The following KMT2C variants were observed in gnomAD, a reference collection of about 807,000 sequenced individuals.
KMT2C encodes lysine methyltransferase 2C.
A neutral mutation model predicts 507.9 loss-of-function variants in KMT2C; 88 were observed. That is an observed-to-expected ratio of 0.17 (90% CI 0.15 to 0.21). The LOEUF (loss-of-function observed/expected upper bound fraction) is 0.21, where lower values mean the gene tolerates loss of function less well. Ranked by LOEUF, KMT2C falls within the 10% of genes least tolerant of loss-of-function variation. The probability of loss-of-function intolerance (pLI) is 1.00; values close to 1 mark genes in which losing one functional copy is unlikely to be tolerated. For missense variants in KMT2C, 4,954 were observed against 5,957.8 expected, an observed-to-expected ratio of 0.83 and a Z score of 5.55; for synonymous variants, 2,049 against 2,080.8, an observed-to-expected ratio of 0.98 and a Z score of 0.42.
intron 1 of KMT2C, among the ~76,000 whole-genome samples, chr7:152,430,193 A>C (rs1225906190): frequency 6.6e-6 from 1 of 152,036 alleles, no homozygotes; most frequent in African/African-American, 2.4e-5. Context: ...AGAAAAAAAA[A>C]AAAAAACAGA....
chr7:152,269,667 C>A (rs550668944), intron 7 of KMT2C, among the ~76,000 whole-genome samples: 33 of 152,168 alleles, frequency 2.2e-4, no homozygotes, highest in Admixed American at 2.2e-3. Context: ...CTCTTGACTA[C>A]TAATCAAATT....
chr7:152,273,230 A>AT (rs780159646), intron 7 of KMT2C, among the ~76,000 whole-genome samples: 1 of 152,170 alleles, frequency 6.6e-6, no homozygotes, highest in Non-Finnish European at 1.5e-5. Context: ...ACTAGCAGAG[A>AT]TTTCTATTAT....
chr7:152,224,761 A>G (rs187374780), intron 18 of KMT2C, 145 bp from the exon 19 acceptor site: 170 of 617,114 alleles, frequency 2.8e-4, no homozygotes, highest in African/African-American at 2.7e-3. Context: ...CGGAGGCCCA[A>G]TACTGGGTTG....
intron 1 of KMT2C, among the ~76,000 whole-genome samples, chr7:152,415,509 G>C (rs62495299): frequency 3.3e-5 from 5 of 151,946 alleles, no homozygotes; most frequent in African/African-American, 1.2e-4. Flanking sequence ...TTAATGATAC[G>C]AAACAGTTAG....
intron 1 of KMT2C, among the ~76,000 whole-genome samples, chr7:152,426,085 A>G (rs2097814577): frequency 6.6e-6 from 1 of 152,104 alleles, no homozygotes; most frequent in Admixed American, 6.6e-5. Context: ...TATTGCTCAT[A>G]ATGAAAAACA....
intron 1 of KMT2C, among the ~76,000 whole-genome samples, chr7:152,394,005 T>C (rs1309456750): frequency 2.0e-5 from 3 of 152,246 alleles, no homozygotes; most frequent in Non-Finnish European, 2.9e-5. Flanking sequence ...TACTGGTCAT[T>C]GAACCTGGTG....
At chr7:152,223,286 C>T (rs543832627) in intron 20 of KMT2C, among the ~76,000 whole-genome samples, 15 of 151,570 alleles carry the variant, frequency 9.9e-5, no homozygotes, top group African/African-American at 2.7e-4. Flanking sequence ...CACATAATTA[C>T]GTAGGGAGGG....
At chr7:152,330,350 A>G (rs922383194) in intron 3 of KMT2C, among the ~76,000 whole-genome samples, 1 of 152,118 alleles carries the variant, frequency 6.6e-6, no homozygotes, top group Non-Finnish European at 1.5e-5. Flanking sequence ...GCACATTGGT[A>G]ATATTCTGTA....
intron 23 of KMT2C, among the ~76,000 whole-genome samples, chr7:152,208,817 G>A (rs2094376765): frequency 6.6e-6 from 1 of 152,098 alleles, no homozygotes; most frequent in Admixed American, 6.5e-5. Flanking sequence ...TATATTTGAG[G>A]CCAATTCCAT....
chr7:152,315,404 A>G, intron 3 of KMT2C, 66 bp from the exon 4 acceptor site: 3 of 1,094,592 alleles, frequency 2.7e-6, no homozygotes, highest in Non-Finnish European at 4.1e-6. Flanking sequence ...TTTAAGCGAT[A>G]ACTATAGATA....
Position 152,176,188 on chromosome 7 carries a change from T to C in KMT2C, c.9262+3A>G, listed in dbSNP as rs2093203299. ...ATACGTTGAGACTCAAGAAAACTCC[T>C]ACCAATATTAGGGAAGAACGGTTCT... is the stretch of plus-strand genomic sequence containing the variant. On this transcript the variant is annotated splice_donor_region_variant and intron_variant, in intron 38 of 58. Transcript: ENST00000262189. 3 of 1,585,596 alleles carry C rather than the reference T, an allele frequency of 1.9e-6. No homozygotes were observed. Among genetic ancestry groups the C allele is most frequent in the Admixed American group, 1.8e-5 (1 of 55,666 alleles).
chr7:152,269,841 T>C (rs993284364), intron 7 of KMT2C, among the ~76,000 whole-genome samples: 3 of 152,144 alleles, frequency 2.0e-5, no homozygotes, highest in African/African-American at 7.2e-5. Context: ...AAAATGATCA[T>C]CTTTAGAGAA....
chr7:152,148,911 T>G lies in KMT2C; in HGVS notation c.13016A>C (p.His4339Pro), dbSNP rs544108113. 4.2e-5 allele frequency: 67 copies of G among 1,613,992 alleles called. No homozygotes were observed. Among genetic ancestry groups the G allele is most frequent in the African/African-American group, 2.4e-4 (18 of 75,056 alleles). The stretch of plus-strand genomic sequence containing the variant: ...CGGCCTGCAATCTTCAAACCCACCA[T>G]GGACAGCTCTTAGCCGAGGCTTCAG... The part of the protein sequence containing the change: ...VKLKPRLRAV[H>P]GGFEDCRPLN... Residue 4339 changes from histidine (H) to proline (P), a missense_variant, in exon 52 of 59, where the codon CAT (histidine) becomes CCT (proline). Physicochemically the swap from His to Pro is moderately conservative, Grantham distance 77. Transcript: ENST00000262189. The surrounding 1 kb of genome is among the most constrained non-coding windows in gnomAD (Gnocchi z 7.1).
intron 1 of KMT2C, among the ~76,000 whole-genome samples, chr7:152,393,278 G>A (rs1218609989): frequency 1.3e-5 from 2 of 152,080 alleles, no homozygotes; most frequent in Non-Finnish European, 2.9e-5. Context: ...AATTTCAATG[G>A]AGATTCACTT....
At chr7:152,168,993 T>C (rs924823880) in intron 41 of KMT2C, among the ~76,000 whole-genome samples, 193 bp downstream of exon 41, 1 of 152,196 alleles carries the variant, frequency 6.6e-6, no homozygotes, top group Non-Finnish European at 1.5e-5. Context: ...TAATTCTTCA[T>C]GCACAGTGAA....
chr7:152,272,065 T>C (rs1050671939), intron 7 of KMT2C, among the ~76,000 whole-genome samples: 1 of 152,176 alleles, frequency 6.6e-6, no homozygotes, highest in South Asian at 2.1e-4. Context: ...TTCCTTACTT[T>C]AGTTTTATCC....
At chr7:152,411,895 T>C (rs899633012) in intron 1 of KMT2C, among the ~76,000 whole-genome samples, 2 of 152,286 alleles carry the variant, frequency 1.3e-5, no homozygotes, top group African/African-American at 4.8e-5. Flanking sequence ...TCCAATCTAC[T>C]ATCTCTGGCC....
At chr7:152,146,801 T>A in intron 52 of KMT2C, 66 bp from the exon 53 acceptor site, 1 of 1,392,374 alleles carries the variant, frequency 7.2e-7, no homozygotes, top group East Asian at 2.3e-5. Flanking sequence ...AAGAGCAAAA[T>A]GAAGAATAAC....
At chr7:152,200,596 C>T (rs563042861) in intron 26 of KMT2C, among the ~76,000 whole-genome samples, 14 of 151,972 alleles carry the variant, frequency 9.2e-5, no homozygotes, top group African/African-American at 3.4e-4. Flanking sequence ...CAGGCATGCG[C>T]CAACATGCCT....
Sources: gnomAD v4.1 joint callset for allele counts (sites outside exome capture counted in the v4.1 genomes callset) on GRCh38, gnomAD v4.1.1 for gene constraint, Gnocchi (gnomAD v3.1) non-coding constraint, MANE v1.5 for transcripts, NCBI Gene and HGNC (gene_info 2026-07-23, HGNC 2026-07-21) for gene names.